PTPRD: variants seen among roughly 807,000 people sequenced by gnomAD.
PTPRD encodes protein tyrosine phosphatase receptor type D.
PTPRD carries 34 observed loss-of-function variants against 214.5 expected under a neutral mutation model. That is an observed-to-expected ratio of 0.16 (90% CI 0.12 to 0.21). The LOEUF (loss-of-function observed/expected upper bound fraction) is 0.21. PTPRD is among the 10% of genes least tolerant of loss of function. PTPRD has a pLI of 1.00. For missense variants in PTPRD, 2,545 were observed against 2,398.7 expected, an observed-to-expected ratio of 1.06 and a Z score of -1.27; for synonymous variants, 1,128 against 845.7, an observed-to-expected ratio of 1.33 and a Z score of -5.79.
chr9:10,243,902 G>C (rs556806831), intron 3 of PTPRD, among the ~76,000 whole-genome samples: 1 of 151,868 alleles, frequency 6.6e-6, no homozygotes, highest in African/African-American at 2.4e-5. Flanking sequence ...TCAGGTCCCT[G>C]CACCGAACTG....
chr9:9,482,090 C>T (rs778924067), intron 8 of PTPRD, among the ~76,000 whole-genome samples: 3 of 151,846 alleles, frequency 2.0e-5, no homozygotes, highest in African/African-American at 4.8e-5. Context: ...AGCAGTTCCC[C>T]GAGAAGACAG....
Position 8,545,509 on chromosome 9 carries a change from C to T in PTPRD, c.353-16730G>A, listed in dbSNP as rs72696618. ...AGGAAAACCATGTATCTTGATAAAA[C>T]GTATAACATTTCCTAGAACAGAGTC... On this transcript the variant is annotated intron_variant, in intron 14 of 45. Coordinates refer to ENST00000381196, the MANE Select transcript of PTPRD (RefSeq NM_002839.4). Among the ~76,000 whole-genome samples, 492 of 152,278 alleles carry T rather than the reference C, an allele frequency of 3.2e-3. 1 individual carries two copies. The highest frequency in any genetic ancestry group is 4.0e-3 in the Non-Finnish European group (270 of 68,004).
intron 11 of PTPRD, among the ~76,000 whole-genome samples, chr9:8,745,343 T>A (rs952720793): frequency 6.6e-6 from 1 of 152,202 alleles, no homozygotes; most frequent in Non-Finnish European, 1.5e-5. Context: ...TGAGGCGATG[T>A]CATGATTAAT....
intron 12 of PTPRD, among the ~76,000 whole-genome samples, chr9:8,710,752 A>C (rs2098315408): frequency 6.6e-6 from 1 of 152,228 alleles, no homozygotes; most frequent in South Asian, 2.1e-4. Flanking sequence ...TAATTAGTAT[A>C]ATCTAAATAC....
At chr9:9,352,325 A>ATGTGTGTG (rs200786174) in intron 9 of PTPRD, among the ~76,000 whole-genome samples, 14 of 142,680 alleles carry the variant, frequency 9.8e-5, no homozygotes, top group Admixed American at 9.3e-4. Flanking sequence ...ATATATATAT[A>ATGTGTGTG]TATGTGTGTG....
chr9:9,939,691 T>G (rs1046617894), intron 4 of PTPRD, among the ~76,000 whole-genome samples: 1 of 152,180 alleles, frequency 6.6e-6, no homozygotes, highest in Non-Finnish European at 1.5e-5. Flanking sequence ...CCCTGTATTT[T>G]GGTAAATGCA....
At chr9:8,805,752 T>G (rs1441548016) in intron 11 of PTPRD, among the ~76,000 whole-genome samples, 2 of 151,246 alleles carry the variant, frequency 1.3e-5, no homozygotes, top group Non-Finnish European at 2.9e-5. Context: ...TTCCAGCATT[T>G]TGGGGCACTG....
At chr9:9,775,814 G>A (rs916188928) in intron 5 of PTPRD, among the ~76,000 whole-genome samples, 1 of 151,852 alleles carries the variant, frequency 6.6e-6, no homozygotes, top group Non-Finnish European at 1.5e-5. Flanking sequence ...AAAATAGCCG[G>A]GCATGGTGGC....
chr9:10,378,934 CTTCCAG>C (rs1355209952), intron 2 of PTPRD, among the ~76,000 whole-genome samples: 4 of 151,942 alleles, frequency 2.6e-5, no homozygotes, highest in African/African-American at 9.7e-5. Context: ...AATATTGATT[CTTCCAG>C]TTCATGAACA....
rs79295498 is a variant in PTPRD, at chr9:9,598,296, T to G, written c.-286-23515A>C. On this transcript the variant is annotated intron_variant, in intron 7 of 45. Transcript: ENST00000381196. ...ACCCCCTTGGACAAGATGCCTTAAC[T>G]ACTGTATATGGTAGAAGAAACAAAA... 7.0e-3 allele frequency among the ~76,000 whole-genome samples: 1,059 copies of G among 152,068 alleles called. 14 individuals carry two copies. Among genetic ancestry groups the G allele is most frequent in the African/African-American group, 0.024 (1,007 of 41,506 alleles).
rs189839269 is a variant in PTPRD, at chr9:10,504,738, T to C, written c.-600+107660A>G. Among the ~76,000 whole-genome samples, 1,057 of 152,290 alleles carry C rather than the reference T, an allele frequency of 6.9e-3. 9 individuals are homozygous for C. The highest frequency in any genetic ancestry group is 0.051 in the Middle Eastern group (15 of 294). The stretch of plus-strand genomic sequence containing the variant: ...TACTTCTCCACAGGCATAAAGCTAA[T>C]TACTAAAGAATTACGTACTAAAATC... On this transcript the variant is annotated intron_variant, in intron 2 of 45. Coordinates refer to ENST00000381196, the MANE Select transcript of PTPRD (RefSeq NM_002839.4).
At chr9:10,169,038 C>T (rs1171383344) in intron 3 of PTPRD, among the ~76,000 whole-genome samples, 1 of 152,032 alleles carries the variant, frequency 6.6e-6, no homozygotes, top group Admixed American at 6.6e-5. Context: ...TTGTCAGAAA[C>T]CAGCTTGGTT....
intron 11 of PTPRD, among the ~76,000 whole-genome samples, chr9:8,753,713 G>A (rs577657255): frequency 6.6e-6 from 1 of 152,248 alleles, no homozygotes; most frequent in East Asian, 1.9e-4. Flanking sequence ...GCTATTTATA[G>A]CAGCATCAAA....
chr9:10,489,793 G>A (rs1267632347), intron 2 of PTPRD, among the ~76,000 whole-genome samples: 1 of 152,112 alleles, frequency 6.6e-6, no homozygotes, highest in Non-Finnish European at 1.5e-5. Context: ...GCAGCACTGA[G>A]TTCAATGCCT....
chr9:8,884,280 T>C (rs1172492481), intron 11 of PTPRD, among the ~76,000 whole-genome samples: 1 of 152,070 alleles, frequency 6.6e-6, no homozygotes, highest in Non-Finnish European at 1.5e-5. Flanking sequence ...GAGTCCTGAG[T>C]TGCAAGACAG....
In PTPRD at chr9:9,833,644, T is replaced by C. The variant is rs182181771; in HGVS notation, c.-367-66793A>G. Among the ~76,000 whole-genome samples the C allele has an allele frequency of 4.5e-3, 427 of 95,240 alleles. 1 individual carries two copies. The highest frequency in any genetic ancestry group is 0.019 in the African/African-American group (399 of 20,808). 62.5% of individuals were successfully genotyped at this position (95,240 alleles called of 152,430 possible). A position where few individuals can be genotyped will look rare whatever the true frequency, so the allele number is the denominator to read the frequency against. On this transcript the variant is annotated intron_variant, in intron 5 of 45. Coordinates refer to ENST00000381196, the MANE Select transcript of PTPRD (RefSeq NM_002839.4). ...ATGGGAGACTGGAGTTTATTTCACC[T>C]CTGCAGTCTCAACCATAAGAGACAG...
intron 44 of PTPRD, among the ~76,000 whole-genome samples, chr9:8,330,889 C>T (rs1839877725): frequency 6.7e-6 from 1 of 150,004 alleles, no homozygotes; most frequent in African/African-American, 2.5e-5. Context: ...TGCCAGAACC[C>T]TAAAATATAT....
At chr9:8,817,251 A>G (rs2096938892) in intron 11 of PTPRD, among the ~76,000 whole-genome samples, 2 of 152,254 alleles carry the variant, frequency 1.3e-5, no homozygotes, top group Non-Finnish European at 2.9e-5. Flanking sequence ...AACCTTAGTA[A>G]TCTGACACTC....
intron 2 of PTPRD, among the ~76,000 whole-genome samples, chr9:10,454,096 G>A (rs549163288): frequency 3.3e-5 from 5 of 149,836 alleles, no homozygotes; most frequent in Admixed American, 6.7e-5. Flanking sequence ...TGTCATTAGA[G>A]TCTGTTTCTA....
Sources: allele counts gnomAD v4.1 joint callset (sites outside exome capture counted in the v4.1 genomes callset), GRCh38; gene constraint gnomAD v4.1.1; transcripts MANE v1.5; gene names NCBI Gene and HGNC (gene_info 2026-07-23, HGNC 2026-07-21).